Variants in ITPKB observed in about 807,000 individuals in gnomAD.
ITPKB encodes IP3 3-kinase B.
A neutral mutation model predicts 69.4 loss-of-function variants in ITPKB; 13 were observed. The ratio of observed to expected loss-of-function variants is 0.19; its 90% CI spans 0.12 to 0.30. The LOEUF (loss-of-function observed/expected upper bound fraction) is 0.30, where lower values mean the gene tolerates loss of function less well. Ranked by LOEUF, ITPKB falls within the 10% of genes least tolerant of loss-of-function variation. ITPKB has a pLI of 1.00. For missense variants in ITPKB, 1,240 were observed against 1,250.5 expected (o/e 0.99, Z 0.13); for synonymous variants, 584 against 513.7 (o/e 1.14, Z -1.85).
At chr1:226,711,802 C>T (rs1656967609) in intron 2 of ITPKB, among the ~76,000 whole-genome samples, 1 of 152,116 alleles carries the variant, frequency 6.6e-6, no homozygotes, top group Non-Finnish European at 1.5e-5. Flanking sequence ...CGTGTCCATC[C>T]CTGACCCAGA....
chr1:226,706,288 G>A (rs1656800492), intron 2 of ITPKB, among the ~76,000 whole-genome samples: 1 of 152,242 alleles, frequency 6.6e-6, no homozygotes, highest in Admixed American at 6.5e-5. Flanking sequence ...ATACTTGATA[G>A]TGAAACCCAT....
In ITPKB at chr1:226,737,327, G is replaced by C. The variant is rs557731985; in HGVS notation, c.132C>G (p.Pro44=). The C allele has an allele frequency of 2.1e-5, 33 of 1,596,038 alleles. No homozygotes were observed. The African/African-American group carries it at 3.9e-4, about 19-fold the overall frequency. Residue 44 remains proline, a synonymous_variant, in exon 2 of 8, where the codon CCC becomes CCG. Coordinates refer to ENST00000429204, the MANE Select transcript of ITPKB (RefSeq NM_002221.4). The part of the protein sequence containing the change: ...PPPPRRAVLS[P]GSVFSPGRGA... The stretch of plus-strand genomic sequence containing the variant: ...CTCTCCCGGGGCTGAAAACGCTGCC[G>C]GGGCTCAGCACTGCCCTCCTCGGGG...
intron 2 of ITPKB, among the ~76,000 whole-genome samples, chr1:226,700,029 C>T (rs908666868): frequency 1.3e-5 from 2 of 152,110 alleles, no homozygotes; most frequent in Admixed American, 6.5e-5. Flanking sequence ...AGTCTTTTCG[C>T]GTTTTTCTGC....
chr1:226,717,777 T>A (rs1657131152), intron 2 of ITPKB, among the ~76,000 whole-genome samples: 1 of 152,076 alleles, frequency 6.6e-6, no homozygotes, highest in Admixed American at 6.5e-5. Flanking sequence ...CATGACTCTA[T>A]CCTGGAGTCA....
Position 226,637,871 on chromosome 1 carries a change from T to A in ITPKB, c.2554-121A>T. The A allele has an allele frequency of 1.4e-6, 1 of 714,236 alleles. No individual in the cohort carries two copies. The highest frequency in any genetic ancestry group is 2.5e-6 in the Non-Finnish European group (1 of 401,136). 44.2% of individuals were successfully genotyped at this position (714,236 alleles called of 1,614,324 possible). On this transcript the variant is annotated intron_variant, in intron 6 of 7. Coordinates refer to ENST00000429204, the MANE Select transcript of ITPKB (RefSeq NM_002221.4). The surrounding 1 kb of genome is among the most constrained non-coding windows in gnomAD (Gnocchi z 4.3). Reference sequence around the variant, plus strand: ...TGCTTTACCCTAAACGCCGGACATCTAGAGGCAGCTTCCTGCGAGCAGGGC... The same window carrying A: ...TGCTTTACCCTAAACGCCGGACATCAAGAGGCAGCTTCCTGCGAGCAGGGC...
In ITPKB at chr1:226,736,896, C is replaced by A; in HGVS notation, c.563G>T (p.Gly188Val). 3.1e-6 allele frequency: 5 copies of A among 1,610,462 alleles called. No individual in the cohort carries two copies. The highest frequency in any genetic ancestry group is 4.2e-6 in the Non-Finnish European group (5 of 1,180,008). The change falls in exon 2 of 8, where the codon GGA becomes GTA. Residue 188 changes from glycine (G) to valine (V), a missense_variant. Coordinates refer to ENST00000429204, the MANE Select transcript of ITPKB (RefSeq NM_002221.4). ...CCGGGCGCCCTGAACCAGGACCCTT[C>A]CAGGGGGCTGACTGCTGCTGCGGAA... ...CPFRSSSQPP[G>V]RVLVQGARSE... is the part of the protein sequence containing the mutation.
intron 2 of ITPKB, among the ~76,000 whole-genome samples, chr1:226,654,256 A>G (rs1051211365): frequency 5.3e-5 from 8 of 152,148 alleles, no homozygotes; most frequent in Non-Finnish European, 1.0e-4. Flanking sequence ...AACCCCAACC[A>G]TCTTTGCATT....
chr1:226,691,483 C>T (rs148977158), intron 2 of ITPKB, among the ~76,000 whole-genome samples: 17 of 152,232 alleles, frequency 1.1e-4, no homozygotes, highest in South Asian at 2.1e-4. Flanking sequence ...CAGCACAGAA[C>T]GCCTTAGACT....
chr1:226,695,809 G>T (rs1656469350), intron 2 of ITPKB, among the ~76,000 whole-genome samples: 1 of 152,192 alleles, frequency 6.6e-6, no homozygotes, highest in Admixed American at 6.5e-5. Context: ...GACAAGAAGG[G>T]AAGTGGAGAA....
Position 226,642,101 on chromosome 1 carries a change from C to T in ITPKB, c.2271G>A (p.Thr757=), listed in dbSNP as rs747734824. Reference sequence around the variant, plus strand: ...GCAGGCTGGGCTTCTTCCGGGCCTTCGTGAGCTCCTCCTCCAGGTAGGTCC... The same window carrying T: ...GCAGGCTGGGCTTCTTCCGGGCCTTTGTGAGCTCCTCCTCCAGGTAGGTCC... ...GIRTYLEEEL[T]KARKKPSLRK... is the part of the protein sequence containing the mutation. Residue 757 remains threonine, a synonymous_variant, in exon 5 of 8, where the codon ACG becomes ACA. Coordinates refer to ENST00000429204, the MANE Select transcript of ITPKB (RefSeq NM_002221.4). This position sits in a 1 kb window ranked among gnomAD's most constrained non-coding sequence, Gnocchi z 6.4. 5 of 1,613,812 alleles carry T rather than the reference C, an allele frequency of 3.1e-6. No homozygotes were observed. The highest frequency in any genetic ancestry group is 1.7e-5 in the Admixed American group (1 of 60,000).
chr1:226,698,366 G>A (rs762977470), intron 2 of ITPKB, among the ~76,000 whole-genome samples: 10 of 152,210 alleles, frequency 6.6e-5, no homozygotes, highest in Non-Finnish European at 1.3e-4. Flanking sequence ...CTGACTGCTA[G>A]GGGGATGAGA....
At chr1:226,650,471 G>A (rs886762187) in intron 2 of ITPKB, among the ~76,000 whole-genome samples, 9 of 152,212 alleles carry the variant, frequency 5.9e-5, no homozygotes, top group East Asian at 3.8e-4. Context: ...TAGAGCCAGC[G>A]GAGGCATTTC....
intron 2 of ITPKB, among the ~76,000 whole-genome samples, chr1:226,696,917 C>G (rs1223933361): frequency 6.6e-6 from 1 of 152,166 alleles, no homozygotes; most frequent in African/African-American, 2.4e-5. Flanking sequence ...AAACCCAGCA[C>G]ACAGCTCACA....
In ITPKB at chr1:226,633,007, C is replaced by T. The variant is rs887471184; in HGVS notation, c.*1664G>A. 2 of 152,228 alleles carry T rather than the reference C, an allele frequency of 1.3e-5. No individual in the cohort carries two copies. The highest frequency in any genetic ancestry group is 2.4e-5 in the African/African-American group (1 of 41,440). The allele number at this position is 152,228 out of a possible 1,614,324, so 9.4% of individuals were successfully genotyped here. A position where few individuals can be genotyped will look rare whatever the true frequency, so the allele number is the denominator to read the frequency against. ...GATCACATGCTGCCACGAGGTCTCTCGTGCTCCACCGGGCGCGTGTGTGAC... is the reference window on the plus strand; with the variant it reads ...GATCACATGCTGCCACGAGGTCTCTTGTGCTCCACCGGGCGCGTGTGTGAC... On this transcript the variant is annotated 3_prime_UTR_variant, in exon 8 of 8. Coordinates refer to ENST00000429204, the MANE Select transcript of ITPKB (RefSeq NM_002221.4).
intron 2 of ITPKB, among the ~76,000 whole-genome samples, chr1:226,662,819 A>G (rs3768383): frequency 0.24 from 36,645 of 152,156 alleles, 4,659 homozygotes; most frequent in East Asian, 0.34. Flanking sequence ...GGCACTCAGC[A>G]AGTGAGAATG....
intron 2 of ITPKB, among the ~76,000 whole-genome samples, chr1:226,712,540 C>T (rs1017384204): frequency 1.3e-5 from 2 of 152,210 alleles, no homozygotes; most frequent in Admixed American, 1.3e-4. Context: ...GCCCATTTTA[C>T]AGCCGGGAAA....
chr1:226,722,779 A>G (rs3768409), intron 2 of ITPKB, among the ~76,000 whole-genome samples: 2,874 of 152,284 alleles, frequency 0.019, 87 homozygotes, highest in East Asian at 0.1. Context: ...TGAGACACAT[A>G]TGTCTAGAAA....
At chr1:226,734,638 T>C (rs1657692227) in intron 2 of ITPKB, among the ~76,000 whole-genome samples, 1 of 152,216 alleles carries the variant, frequency 6.6e-6, no homozygotes. Flanking sequence ...TTCTGTAAGA[T>C]ACTCTGATCC....
intron 2 of ITPKB, among the ~76,000 whole-genome samples, chr1:226,700,246 G>A (rs1259135728): frequency 6.6e-6 from 1 of 151,948 alleles, no homozygotes; most frequent in Non-Finnish European, 1.5e-5. Flanking sequence ...CCAGGCAGGC[G>A]GATCACAAGG....
Sources: gnomAD v4.1 joint callset for allele counts (sites outside exome capture counted in the v4.1 genomes callset) on GRCh38, gnomAD v4.1.1 for gene constraint, Gnocchi (gnomAD v3.1) non-coding constraint, MANE v1.5 for transcripts, NCBI Gene and HGNC (gene_info 2026-07-23, HGNC 2026-07-21) for gene names.